DPP4: variants seen among roughly 807,000 people sequenced by gnomAD.
The protein encoded by DPP4 is dipeptidyl peptidase 4.
In DPP4, 93 loss-of-function variants were observed where a neutral mutation model predicts 122.4. That is an observed-to-expected ratio of 0.76 (90% CI 0.64 to 0.90). DPP4 has a LOEUF of 0.90. Among genes scored for constraint, DPP4 ranks in the 40% least tolerant of loss-of-function variants. DPP4 has a pLI of 0.00. For missense variants in DPP4, 914 were observed against 907.3 expected (o/e 1.01, Z -0.09); for synonymous variants, 321 against 302.9 (o/e 1.06, Z -0.62).
intron 5 of DPP4, 108 bp from the exon 6 acceptor site, chr2:162,039,292 C>T: frequency 1.1e-6 from 1 of 910,978 alleles, no homozygotes; most frequent in Non-Finnish European, 1.7e-6. Flanking sequence ...GTATAATTCT[C>T]ACATGTTATC....
intron 2 of DPP4, among the ~76,000 whole-genome samples, chr2:162,068,480 T>G (rs533746957): frequency 3.3e-5 from 5 of 152,290 alleles, no homozygotes; most frequent in Admixed American, 1.3e-4. Flanking sequence ...TGGTTCCCAA[T>G]GATCTCCACC....
intron 19 of DPP4, among the ~76,000 whole-genome samples, chr2:162,013,604 G>A (rs1362505248): frequency 6.6e-6 from 1 of 151,868 alleles, no homozygotes; most frequent in Non-Finnish European, 1.5e-5. Context: ...TGGAACAACA[G>A]AACTTACTAT....
intron 2 of DPP4, among the ~76,000 whole-genome samples, chr2:162,052,090 G>A (rs1393139698): frequency 1.3e-5 from 2 of 151,976 alleles, no homozygotes; most frequent in African/African-American, 4.8e-5. Context: ...AGGTCGAGGT[G>A]GGCAGATAAC....
chr2:162,009,118 A>G (rs1701354593), intron 21 of DPP4, 123 bp downstream of exon 21: 1 of 990,626 alleles, frequency 1.0e-6, no homozygotes, highest in Admixed American at 1.9e-5. Context: ...GTTACTGCCC[A>G]GAGACCTAAG....
At chr2:162,020,539 A>G in intron 13 of DPP4, 42 bp downstream of exon 13, 3 of 1,509,970 alleles carry the variant, frequency 2.0e-6, no homozygotes, top group South Asian at 1.2e-5. Flanking sequence ...TCCAAAAAAA[A>G]AAAAGAGGTC....
At chr2:162,040,501 A>G (rs1349873337) in intron 5 of DPP4, among the ~76,000 whole-genome samples, 1 of 152,110 alleles carries the variant, frequency 6.6e-6, no homozygotes, top group African/African-American at 2.4e-5. Context: ...GAGTTTCTGG[A>G]AAAGGTAAAA....
At chr2:162,025,733 G>T (rs772518745) in intron 10 of DPP4, among the ~76,000 whole-genome samples, 1 of 152,086 alleles carries the variant, frequency 6.6e-6, no homozygotes, top group African/African-American at 2.4e-5. Flanking sequence ...CCTCCTCCCC[G>T]ATTGTGGTTT....
intron 2 of DPP4, among the ~76,000 whole-genome samples, chr2:162,057,088 C>T (rs1015440816): frequency 6.6e-6 from 1 of 150,882 alleles, no homozygotes; most frequent in African/African-American, 2.5e-5. Flanking sequence ...TCCCTGCCTG[C>T]CAAATCATCC....
chr2:162,022,713 T>C, intron 12 of DPP4, 42 bp downstream of exon 12: 1 of 1,596,114 alleles, frequency 6.3e-7, no homozygotes, highest in African/African-American at 1.3e-5. Context: ...AATAGCTGAG[T>C]AGCTGACTCA....
chr2:162,019,118 A>T, intron 15 of DPP4, 105 bp downstream of exon 15: 1 of 1,048,142 alleles, frequency 9.5e-7, no homozygotes, highest in Non-Finnish European at 1.5e-6. Flanking sequence ...CTCAATAGCA[A>T]TACCAGTTTA....
At chr2:162,005,923 G>C in intron 22 of DPP4, 114 bp from the exon 23 acceptor site, 1 of 833,000 alleles carries the variant, frequency 1.2e-6, no homozygotes, top group African/African-American at 1.7e-5. Context: ...TAGGAATATA[G>C]AGTTACTCTC....
At chr2:162,019,184 C>G (rs1683029839) in intron 15 of DPP4, 39 bp downstream of exon 15, 2 of 1,552,004 alleles carry the variant, frequency 1.3e-6, no homozygotes, top group Non-Finnish European at 1.8e-6. Flanking sequence ...TGTTCGTCAG[C>G]TAAAATGACT....
At chr2:162,060,994 CTCCCTCCCTCCCTCCT>C (rs1409690361) in intron 2 of DPP4, among the ~76,000 whole-genome samples, 4 of 114,064 alleles carry the variant, frequency 3.5e-5, no homozygotes, top group Non-Finnish European at 5.4e-5. Context: ...CCCTCCCTCC[CTCCCTCCCTCCCTCCT>C]TCCTTCCTTC....
At chr2:162,025,646 G>T (rs1186803033) in intron 10 of DPP4, among the ~76,000 whole-genome samples, 1 of 152,098 alleles carries the variant, frequency 6.6e-6, no homozygotes, top group African/African-American at 2.4e-5. Flanking sequence ...ATAGTGAAGT[G>T]CATGGAATTC....
Position 162,035,254 on chromosome 2 carries a change from A to G in DPP4, c.684T>C (p.Phe228=). The change falls in exon 9 of 26, where the codon TTT becomes TTC. Residue 228 remains phenylalanine, a synonymous_variant. Transcript: ENST00000360534. ...CAATAAGTGGGACTTCTGTGTCGTT[A>G]AATTGGGCATATGCTAAAAAAGTGC... is the stretch of plus-strand genomic sequence containing the variant. ...PNGTFLAYAQ[F]NDTEVPLIEY... 1 of 1,614,072 alleles carries G rather than the reference A, an allele frequency of 6.2e-7. No homozygotes were observed. Among genetic ancestry groups the G allele is most frequent in the Non-Finnish European group, 8.5e-7 (1 of 1,179,962 alleles).
intron 15 of DPP4, 43 bp downstream of exon 15, chr2:162,019,180 T>C (rs1683029614): frequency 1.3e-6 from 2 of 1,520,218 alleles, no homozygotes; most frequent in Admixed American, 1.8e-5. Context: ...AAATTGTTCG[T>C]CAGCTAAAAT....
chr2:162,014,547 G>A lies in DPP4; in HGVS notation c.1568-82C>T, dbSNP rs1239308624. The A allele has an allele frequency of 3.1e-6, 3 of 958,132 alleles. No homozygotes were observed. The Admixed American group carries it at 7.3e-5, about 23-fold the overall frequency. 59.4% of individuals were successfully genotyped at this position (958,132 alleles called of 1,614,324 possible). A position where few individuals can be genotyped will look rare whatever the true frequency, so the allele number is the denominator to read the frequency against. On this transcript the variant is annotated intron_variant, in intron 18 of 25. Transcript: ENST00000360534. Reference sequence around the variant, plus strand: ...TGTTCCTCATGTCCGTCAGTAGCAAGTCATTTCTAGAGTTTAACAATTTGT... The same window carrying A: ...TGTTCCTCATGTCCGTCAGTAGCAAATCATTTCTAGAGTTTAACAATTTGT...
intron 1 of DPP4, 161 bp from the exon 2 acceptor site, chr2:162,073,647 A>G (rs529033120): frequency 5.7e-5 from 41 of 717,048 alleles, no homozygotes; most frequent in Non-Finnish European, 4.6e-5. Context: ...GGAGTGCGCC[A>G]GTTGGAGTTC....
At chr2:162,059,343 A>G (rs530697632) in intron 2 of DPP4, among the ~76,000 whole-genome samples, 1 of 152,202 alleles carries the variant, frequency 6.6e-6, no homozygotes, top group Non-Finnish European at 1.5e-5. Flanking sequence ...ACTAATACGT[A>G]CAGGGCTTCT....
Sources: allele counts gnomAD v4.1 joint callset (sites outside exome capture counted in the v4.1 genomes callset), GRCh38; gene constraint gnomAD v4.1.1; transcripts MANE v1.5; gene names NCBI Gene and HGNC (gene_info 2026-07-23, HGNC 2026-07-21).